Variants in LY75 observed in about 807,000 individuals in gnomAD.
The protein encoded by LY75 is lymphocyte antigen 75, also known as C-type lectin domain family 13 member B.
LY75 carries 185 observed loss-of-function variants against 231.7 expected under a neutral mutation model. The observed-to-expected ratio is 0.80, with a 90% CI of 0.71 to 0.90. The LOEUF is 0.90. LY75 is among the 40% of genes least tolerant of loss of function. LY75 has a pLI of 0.00. For synonymous variants in LY75, 668 were observed against 689.0 expected (o/e 0.97, Z 0.48); for missense variants, 1,947 against 2,050.2 (o/e 0.95, Z 0.97).
intron 16 of LY75, among the ~76,000 whole-genome samples, chr2:159,855,491 T>A (rs1325461542): frequency 6.6e-6 from 1 of 152,150 alleles, no homozygotes; most frequent in African/African-American, 2.4e-5. Flanking sequence ...AGGAAAATAA[T>A]TAAAAGTGAC....
intron 29 of LY75, among the ~76,000 whole-genome samples, chr2:159,819,468 T>C (rs897883159): frequency 3.3e-5 from 5 of 152,164 alleles, no homozygotes; most frequent in African/African-American, 1.2e-4. Flanking sequence ...TTTAAGCCTG[T>C]ATCAATTAAT....
chr2:159,822,833 C>T lies in LY75; in HGVS notation c.3959-2913G>A, dbSNP rs187578039. Among the ~76,000 whole-genome samples the T allele has an allele frequency of 2.9e-4, 44 of 152,178 alleles. No individual in the cohort carries two copies. In the East Asian group the frequency reaches 7.4e-3, roughly 25 times the overall value. On this transcript the variant is annotated intron_variant, in intron 28 of 34. Transcript: ENST00000263636. ...TGGGTGATAACTAGGCAAACAGAGT[C>T]GGGTAGACATCCAGCAAACTCCAGC... is the stretch of plus-strand genomic sequence containing the variant.
chr2:159,839,492 T>A (rs1683938025), intron 25 of LY75, among the ~76,000 whole-genome samples: 1 of 152,216 alleles, frequency 6.6e-6, no homozygotes, highest in South Asian at 2.1e-4. Context: ...GAGACATCTA[T>A]CTAGGATCAG....
chr2:159,818,787 G>A (rs987307184), intron 29 of LY75, among the ~76,000 whole-genome samples: 1 of 149,106 alleles, frequency 6.7e-6, no homozygotes, highest in African/African-American at 2.4e-5. Flanking sequence ...AAAATGAAAA[G>A]TTTATTAAAG....
At position 159,886,370 on chromosome 2, in the gene LY75, C is replaced by T; in HGVS notation, c.913+50G>A. On this transcript the variant is annotated intron_variant, in intron 5 of 34. Transcript: ENST00000263636. ...GCTATTGGTGAGTGAGAAGCTTTTG[C>T]TTTTTTGAAGATTTGTTCTGTGCAG... 1.3e-6 allele frequency: 2 copies of T among 1,494,990 alleles called. 1 individual carries two copies. The allele number at this position is 1,494,990 out of a possible 1,614,324, so 92.6% of individuals were successfully genotyped here.
At chr2:159,845,534 A>G (rs1229312610) in intron 23 of LY75, among the ~76,000 whole-genome samples, 6 of 151,730 alleles carry the variant, frequency 4.0e-5, no homozygotes, top group Admixed American at 1.3e-4. Flanking sequence ...GCAGATGGAA[A>G]ATATTTGAGA....
intron 11 of LY75, among the ~76,000 whole-genome samples, chr2:159,876,642 T>C (rs1685276769): frequency 6.6e-6 from 1 of 152,092 alleles, no homozygotes; most frequent in African/African-American, 2.4e-5. Context: ...TCATGGTAGC[T>C]ACTTCCCAAG....
intron 14 of LY75, 106 bp downstream of exon 14, chr2:159,864,733 G>A: frequency 8.9e-7 from 1 of 1,122,606 alleles, no homozygotes; most frequent in Non-Finnish European, 1.2e-6. Flanking sequence ...AGGGTCTTTT[G>A]TGGTTCCATA....
intron 33 of LY75, 108 bp downstream of exon 33, chr2:159,808,341 G>A (rs1356959817): frequency 3.5e-5 from 55 of 1,570,048 alleles, no homozygotes; most frequent in Non-Finnish European, 4.8e-5. Context: ...TTATCCAGAA[G>A]AGGCATCTGA....
chr2:159,849,956 G>A (rs1432455420), intron 23 of LY75, 24 bp downstream of exon 23: 3 of 1,607,390 alleles, frequency 1.9e-6, no homozygotes, highest in East Asian at 2.2e-5. Flanking sequence ...GGTATGAAGA[G>A]TATTGGTTTT....
At position 159,816,992 on chromosome 2, in the gene LY75, A is replaced by T; in HGVS notation, c.4194T>A (p.Phe1398Leu). ...KEEYNTTLPQ[F>L]MPYEDGIYSV... is the part of the protein sequence containing the mutation. Reference sequence around the variant, plus strand: ...TGTAAATACCATCTTCATATGGCATAAACTGTGGCAGTGTAGTATTATATT... The same window carrying T: ...TGTAAATACCATCTTCATATGGCATTAACTGTGGCAGTGTAGTATTATATT... Residue 1398 changes from phenylalanine to leucine, a missense_variant, in exon 30 of 35, where the codon TTT becomes TTA. Transcript: ENST00000263636. 1 of 1,614,118 alleles carries T rather than the reference A, an allele frequency of 6.2e-7. No individual in the cohort carries two copies. Among genetic ancestry groups the T allele is most frequent in the Non-Finnish European group, 8.5e-7 (1 of 1,179,972 alleles).
chr2:159,813,936 T>A (rs1482753546), intron 31 of LY75: 1 of 152,258 alleles, frequency 6.6e-6, no homozygotes, highest in African/African-American at 2.4e-5. Context: ...TTTCTGTGCC[T>A]AACAACTGAG....
chr2:159,889,584 GT>G (rs1325191149), intron 4 of LY75, among the ~76,000 whole-genome samples: 1 of 151,974 alleles, frequency 6.6e-6, no homozygotes, highest in Non-Finnish European at 1.5e-5. Context: ...TTCCAATAGG[GT>G]TTGTTATTGA....
Position 159,862,832 on chromosome 2 carries a change from T to C in LY75, c.2200-1943A>G, listed in dbSNP as rs545990935. ...TGGTGAGAACACTTAACATCTACTT[T>C]TAGCATTTTTCAAGAATATAAAATA... On this transcript the variant is annotated intron_variant, in intron 14 of 34. Transcript: ENST00000263636. Among the ~76,000 whole-genome samples the C allele has an allele frequency of 1.2e-4, 18 of 152,234 alleles. 1 individual carries two copies. Among genetic ancestry groups the C allele is most frequent in the African/African-American group, 4.3e-4 (18 of 41,544 alleles).
intron 24 of LY75, among the ~76,000 whole-genome samples, 170 bp from the exon 25 acceptor site, chr2:159,841,125 G>T (rs11690117): frequency 0.71 from 107,476 of 152,058 alleles, 38,483 homozygotes; most frequent in African/African-American, 0.74. Context: ...ATACCTTAAG[G>T]AAAATGTGTG....
chr2:159,864,155 T>C (rs926886119), intron 14 of LY75, among the ~76,000 whole-genome samples: 1 of 152,228 alleles, frequency 6.6e-6, no homozygotes, highest in South Asian at 2.1e-4. Context: ...AATCAGATGA[T>C]AATTTGCAAA....
rs117733189 is a variant in LY75 at position 159,831,202 on chromosome 2, G to A, written c.3958+468C>T. Among the ~76,000 whole-genome samples, 199 of 152,180 alleles carry A rather than the reference G, an allele frequency of 1.3e-3. 5 individuals are homozygous for A. In the East Asian group the frequency reaches 0.036, roughly 27 times the overall value. On this transcript the variant is annotated intron_variant, in intron 28 of 34. Coordinates refer to ENST00000263636, the MANE Select transcript of LY75 (RefSeq NM_002349.4). ...GGTGATTTTCCCCCTTGCTGTTCTC[G>A]TGATAGTGAGTGAGTTCTAATGAGT...
chr2:159,900,816 T>G (rs1574606475), intron 1 of LY75, among the ~76,000 whole-genome samples: 2 of 152,196 alleles, frequency 1.3e-5, no homozygotes, highest in East Asian at 3.8e-4. Context: ...CAGCTAAGGA[T>G]GTTTGCCATA....
At position 159,881,180 on chromosome 2, in the gene LY75, C is replaced by T. The variant is rs1685424380; in HGVS notation, c.1307G>A (p.Trp436Ter). The part of the protein sequence containing the change: ...KNINIPTLFQ[W>*]SDGTEVTLTY... ...TAGAGTAACTTCAGTACCATCTGACCACTGAAATAAAGTTGGTATGTTTAT... is the reference window on the plus strand; with the variant it reads ...TAGAGTAACTTCAGTACCATCTGACTACTGAAATAAAGTTGGTATGTTTAT... The change falls in exon 8 of 35, where the codon TGG (tryptophan) becomes TAG (stop). Residue 436 changes from tryptophan to a stop codon, truncating the protein, a stop_gained. Coordinates refer to ENST00000263636, the MANE Select transcript of LY75 (RefSeq NM_002349.4). LOFTEE classifies it high-confidence loss of function. The T allele has an allele frequency of 1.9e-6, 3 of 1,613,698 alleles. No individual in the cohort carries two copies. Among genetic ancestry groups the T allele is most frequent in the Admixed American group, 3.3e-5 (2 of 59,962 alleles).
Sources: allele counts gnomAD v4.1 joint callset (sites outside exome capture counted in the v4.1 genomes callset), GRCh38; gene constraint gnomAD v4.1.1; transcripts MANE v1.5; gene names NCBI Gene and HGNC (gene_info 2026-07-23, HGNC 2026-07-21).